The following EHBP1 variants were observed in gnomAD, a reference collection of about 807,000 sequenced individuals.
EHBP1 encodes the protein EH domain binding protein 1, also known as EH domain-binding protein 1.
In EHBP1, 55 loss-of-function variants were observed where a neutral mutation model predicts 144.0. The ratio of observed to expected loss-of-function variants is 0.38; its 90% CI spans 0.31 to 0.48. The LOEUF (loss-of-function observed/expected upper bound fraction) is 0.48. Ranked by LOEUF, EHBP1 falls within the 20% of genes least tolerant of loss-of-function variation. The pLI, the probability that EHBP1 is intolerant of heterozygous loss-of-function variation, is 0.98. For synonymous variants in EHBP1, 469 were observed against 472.7 expected (o/e 0.99, Z 0.10); for missense variants, 1,200 against 1,364.2 (o/e 0.88, Z 1.90).
intron 5 of EHBP1, among the ~76,000 whole-genome samples, chr2:62,816,877 C>T (rs1035277035): frequency 1.3e-5 from 2 of 152,176 alleles, no homozygotes; most frequent in African/African-American, 2.4e-5. Flanking sequence ...TGCTCCATTT[C>T]TCCACACACC....
intron 5 of EHBP1, among the ~76,000 whole-genome samples, chr2:62,804,792 G>A (rs964289826): frequency 6.6e-6 from 1 of 152,266 alleles, no homozygotes; most frequent in South Asian, 2.1e-4. Flanking sequence ...TTTAACTCCC[G>A]AGCTTTGCCT....
At chr2:62,771,550 T>A in intron 5 of EHBP1, 158 bp downstream of exon 5, 1 of 534,692 alleles carries the variant, frequency 1.9e-6, no homozygotes, top group Non-Finnish European at 3.2e-6. Flanking sequence ...TGATAGCCAG[T>A]AACAAAATTA....
intron 6 of EHBP1, among the ~76,000 whole-genome samples, chr2:62,828,480 T>A (rs1324471706): frequency 6.6e-6 from 1 of 152,194 alleles, no homozygotes; most frequent in Non-Finnish European, 1.5e-5. Context: ...TAACATACAA[T>A]CATCCAAGGT....
intron 1 of EHBP1, among the ~76,000 whole-genome samples, chr2:62,697,092 T>C (rs1414776522): frequency 6.6e-6 from 1 of 152,222 alleles, no homozygotes; most frequent in Admixed American, 6.5e-5. Context: ...GGGAATATGT[T>C]AATCAGATTG....
chr2:62,931,237 G>T (rs1558934102), intron 10 of EHBP1, among the ~76,000 whole-genome samples: 1 of 152,112 alleles, frequency 6.6e-6, no homozygotes, highest in Non-Finnish European at 1.5e-5. Flanking sequence ...TTTATCCAAA[G>T]AACACATACA....
chr2:62,915,690 A>G (rs993284222), intron 10 of EHBP1, among the ~76,000 whole-genome samples: 2 of 148,828 alleles, frequency 1.3e-5, no homozygotes, highest in Non-Finnish European at 3.0e-5. Flanking sequence ...ATTTATTTGG[A>G]AAATAAATGT....
intron 8 of EHBP1, among the ~76,000 whole-genome samples, chr2:62,861,889 A>C (rs1239405347): frequency 6.6e-6 from 1 of 152,098 alleles, no homozygotes; most frequent in African/African-American, 2.4e-5. Flanking sequence ...TAATTTTTGC[A>C]ATCCTCTTCC....
At chr2:62,696,587 C>T (rs1257465227) in intron 1 of EHBP1, among the ~76,000 whole-genome samples, 5 of 131,604 alleles carry the variant, frequency 3.8e-5, no homozygotes, top group Non-Finnish European at 7.7e-5. Context: ...TATCTCTGCT[C>T]ACTGCAAGCT....
In EHBP1 at chr2:62,919,150, T is replaced by A. The variant is rs190744354; in HGVS notation, c.1186-23568T>A. ...TTCAAATATCCGAAATTTGTTCTCTTATTGCTGATTGCTGCCTCTGATACA... is the reference window on the plus strand; with the variant it reads ...TTCAAATATCCGAAATTTGTTCTCTAATTGCTGATTGCTGCCTCTGATACA... On this transcript the variant is annotated intron_variant, in intron 10 of 22. Coordinates refer to ENST00000431489, the MANE Select transcript of EHBP1 (RefSeq NM_001142616.3). Among the ~76,000 whole-genome samples, 161 of 152,282 alleles carry A rather than the reference T, an allele frequency of 1.1e-3. No individual in the cohort carries two copies. In the South Asian group the frequency reaches 0.012, roughly 11 times the overall value.
intron 1 of EHBP1, among the ~76,000 whole-genome samples, chr2:62,699,455 C>T (rs907060324): frequency 6.6e-6 from 1 of 152,184 alleles, no homozygotes; most frequent in South Asian, 2.1e-4. Context: ...CCAGTAATGG[C>T]CCACTTATTT....
intron 15 of EHBP1, among the ~76,000 whole-genome samples, chr2:62,983,098 TG>T (rs1304250546): frequency 6.6e-6 from 1 of 152,226 alleles, no homozygotes; most frequent in African/African-American, 2.4e-5. Flanking sequence ...GTATTACACA[TG>T]TTTTTTTCAT....
chr2:62,789,693 C>G (rs116119892), intron 5 of EHBP1, among the ~76,000 whole-genome samples: 2,464 of 152,318 alleles, frequency 0.016, 78 homozygotes, highest in African/African-American at 0.056. Context: ...ACCCACTGCA[C>G]TGGCAGTCTC....
At chr2:62,987,728 C>G (rs147163149) in intron 15 of EHBP1, among the ~76,000 whole-genome samples, 5 of 152,190 alleles carry the variant, frequency 3.3e-5, no homozygotes, top group African/African-American at 1.2e-4. Flanking sequence ...TGTGATAATT[C>G]ATGTTTGACA....
intron 10 of EHBP1, among the ~76,000 whole-genome samples, chr2:62,927,885 A>G (rs2055656397): frequency 6.6e-6 from 1 of 152,210 alleles, no homozygotes; most frequent in South Asian, 2.1e-4. Flanking sequence ...AAAAGAAGAA[A>G]CCATGCAAAG....
chr2:62,766,081 T>C (rs2041162293), intron 4 of EHBP1, among the ~76,000 whole-genome samples: 1 of 152,174 alleles, frequency 6.6e-6, no homozygotes, highest in Non-Finnish European at 1.5e-5. Flanking sequence ...AATTTACTCA[T>C]AAAAATAGTT....
intron 3 of EHBP1, among the ~76,000 whole-genome samples, chr2:62,763,921 A>C (rs1013906714): frequency 6.6e-6 from 1 of 152,114 alleles, no homozygotes; most frequent in South Asian, 2.1e-4. Flanking sequence ...TATCTCTTCT[A>C]ATAAAATACT....
intron 10 of EHBP1, 26 bp downstream of exon 10, chr2:62,874,558 T>A (rs775124928): frequency 4.0e-6 from 6 of 1,505,116 alleles, no homozygotes; most frequent in Non-Finnish European, 5.4e-6. Flanking sequence ...TAGTAAAACA[T>A]GTATTAATAT....
chr2:62,785,513 C>T (rs1456210431), intron 5 of EHBP1, among the ~76,000 whole-genome samples: 1 of 152,048 alleles, frequency 6.6e-6, no homozygotes. Context: ...TTCCAGATTT[C>T]TAGTTTGAAT....
intron 2 of EHBP1, among the ~76,000 whole-genome samples, chr2:62,732,330 C>A (rs986614803): frequency 6.6e-6 from 1 of 152,048 alleles, no homozygotes; most frequent in Admixed American, 6.6e-5. Context: ...TTCTTCTATG[C>A]CTTTCTCTTT....
Sources: gnomAD v4.1 joint callset for allele counts (sites outside exome capture counted in the v4.1 genomes callset) on GRCh38, gnomAD v4.1.1 for gene constraint, MANE v1.5 for transcripts, NCBI Gene and HGNC (gene_info 2026-07-23, HGNC 2026-07-21) for gene names.